PCOLCE2: variants seen among roughly 807,000 people sequenced by gnomAD.
PCOLCE2 encodes the protein procollagen C-endopeptidase enhancer 2.
PCOLCE2 carries 42 observed loss-of-function variants against 47.0 expected under a neutral mutation model. The ratio of observed to expected loss-of-function variants is 0.89; its 90% confidence interval spans 0.70 to 1.16. PCOLCE2 has a LOEUF of 1.16. Ranked by LOEUF, PCOLCE2 falls within the 50% of genes most tolerant of loss-of-function variation. The probability of loss-of-function intolerance (pLI) is 0.00; values close to 1 mark genes in which losing one functional copy is unlikely to be tolerated. For synonymous variants in PCOLCE2, 169 were observed against 191.7 expected, an observed-to-expected ratio of 0.88 and a Z score of 0.98; for missense variants, 500 against 526.1, an observed-to-expected ratio of 0.95 and a Z score of 0.49.
At chr3:142,879,950 G>A (rs375870992) in intron 2 of PCOLCE2, among the ~76,000 whole-genome samples, 264 of 133,082 alleles carry the variant, frequency 2.0e-3, no homozygotes, top group Non-Finnish European at 3.4e-3. Context: ...CAGCCTGGGC[G>A]ACAGAGCGAG....
At chr3:142,885,356 A>T (rs1311172298) in intron 2 of PCOLCE2, among the ~76,000 whole-genome samples, 1 of 152,204 alleles carries the variant, frequency 6.6e-6, no homozygotes, top group African/African-American at 2.4e-5. Flanking sequence ...TCCCATCTCC[A>T]GCGGCCTCTG....
intron 8 of PCOLCE2, among the ~76,000 whole-genome samples, chr3:142,819,866 C>T (rs1255986334): frequency 4.6e-5 from 7 of 152,042 alleles, no homozygotes; most frequent in African/African-American, 9.7e-5. Flanking sequence ...AGGCTGGTCT[C>T]GAACTCAGGC....
At chr3:142,865,452 AGAGT>A (rs139184305) in intron 2 of PCOLCE2, among the ~76,000 whole-genome samples, 3,087 of 152,326 alleles carry the variant, frequency 0.02, 101 homozygotes, top group African/African-American at 0.07. Flanking sequence ...TTTTACGCCA[AGAGT>A]GAGAGGCAAG....
In PCOLCE2 at chr3:142,838,857, C is replaced by T; in HGVS notation, c.623G>A (p.Cys208Tyr). 1 of 1,612,886 alleles carries T rather than the reference C, an allele frequency of 6.2e-7. No homozygotes were observed. The highest frequency in any genetic ancestry group is 1.1e-5 in the South Asian group (1 of 91,060). The change falls in exon 5 of 9, where the codon TGC (cysteine) becomes TAC (tyrosine). Residue 208 changes from cysteine (C) to tyrosine (Y), a missense_variant. Physicochemically the swap from Cys to Tyr is radical, Grantham distance 194. Transcript: ENST00000295992. ...EKFDVERDNYCRYDYVAVFNG... is the reference protein window; with the variant it reads ...EKFDVERDNYYRYDYVAVFNG... ...AAACACAGCCACATAATCATATCGGCAGTAGTTATCTCGCTCCACATCAAA... is the reference window on the plus strand; with the variant it reads ...AAACACAGCCACATAATCATATCGGTAGTAGTTATCTCGCTCCACATCAAA...
chr3:142,855,522 A>ACTTC (rs1454244822), intron 2 of PCOLCE2, among the ~76,000 whole-genome samples: 7 of 152,252 alleles, frequency 4.6e-5, no homozygotes, highest in Admixed American at 3.3e-4. Flanking sequence ...AGGTCACCAG[A>ACTTC]CTTCCACCTT....
chr3:142,882,014 ACATCATCATCATCGTCGT>A lies in PCOLCE2; in HGVS notation c.192+5637_192+5654del. 4.6e-5 allele frequency among the ~76,000 whole-genome samples: 7 copies of A among 152,040 alleles called. 1 individual carries two copies. The Middle Eastern group carries it at 0.02, about 443-fold the overall frequency. On this transcript the variant is annotated intron_variant, in intron 2 of 8. Coordinates refer to ENST00000295992, the MANE Select transcript of PCOLCE2 (RefSeq NM_013363.4). The stretch of plus-strand genomic sequence containing the variant: ...AGGTCTGTGACTCTCTGGCCCTCCC[ACATCATCATCATCGTCGT>A]CATCATCATCATCATCAGACAGGGT...
At chr3:142,857,701 A>G (rs1186558778) in intron 2 of PCOLCE2, among the ~76,000 whole-genome samples, 1 of 152,202 alleles carries the variant, frequency 6.6e-6, no homozygotes, top group Non-Finnish European at 1.5e-5. Context: ...TGGCCTTAGA[A>G]CATCTAGGCC....
intron 2 of PCOLCE2, among the ~76,000 whole-genome samples, chr3:142,857,744 T>C (rs1933092835): frequency 6.6e-6 from 1 of 152,026 alleles, no homozygotes; most frequent in Non-Finnish European, 1.5e-5. Context: ...CCTTGCTGAA[T>C]CCCAACAACC....
At chr3:142,826,845 C>T (rs1311665883) in intron 6 of PCOLCE2, among the ~76,000 whole-genome samples, 2 of 152,168 alleles carry the variant, frequency 1.3e-5, no homozygotes, top group South Asian at 2.1e-4. Context: ...TTCCCTTCCA[C>T]GGCTTTCACC....
At chr3:142,862,808 G>A (rs775945124) in intron 2 of PCOLCE2, among the ~76,000 whole-genome samples, 51 of 152,160 alleles carry the variant, frequency 3.4e-4, no homozygotes, top group Non-Finnish European at 6.6e-4. Flanking sequence ...CTATTCTAAT[G>A]TACACTTGCA....
chr3:142,836,541 A>G (rs557270069), intron 5 of PCOLCE2, among the ~76,000 whole-genome samples: 1 of 152,220 alleles, frequency 6.6e-6, no homozygotes, highest in Non-Finnish European at 1.5e-5. Context: ...CGATGCTTTC[A>G]AAATTTTTTC....
chr3:142,853,706 T>C (rs771477910), intron 2 of PCOLCE2, among the ~76,000 whole-genome samples: 13 of 152,192 alleles, frequency 8.5e-5, no homozygotes, highest in Non-Finnish European at 1.5e-5. Context: ...CAGATGCATA[T>C]CTTTTTGGAA....
rs538964026 is a variant in PCOLCE2, at chr3:142,858,770, C to T, written c.193-10298G>A. On this transcript the variant is annotated intron_variant, in intron 2 of 8. Transcript: ENST00000295992. ...GTGTGTGTGTAAGAGAGAGACAGAG[C>T]GAGAGATAGGGTCTTGCCCTGTCAC... is the stretch of plus-strand genomic sequence containing the variant. Among the ~76,000 whole-genome samples, 8 of 151,894 alleles carry T rather than the reference C, an allele frequency of 5.3e-5. No individual in the cohort carries two copies. The South Asian group carries it at 1.5e-3, about 28-fold the overall frequency.
At chr3:142,865,528 C>T (rs967300438) in intron 2 of PCOLCE2, among the ~76,000 whole-genome samples, 1 of 152,178 alleles carries the variant, frequency 6.6e-6, no homozygotes, top group African/African-American at 2.4e-5. Context: ...TTGACAACAA[C>T]ATCTCTTGAA....
intron 2 of PCOLCE2, among the ~76,000 whole-genome samples, chr3:142,882,014 ACAT>A (rs1933631409): frequency 6.6e-6 from 1 of 151,922 alleles, no homozygotes; most frequent in Non-Finnish European, 1.5e-5. Flanking sequence ...TGGCCCTCCC[ACAT>A]CATCATCATC....
chr3:142,833,502 C>T (rs1937173152), intron 5 of PCOLCE2, among the ~76,000 whole-genome samples: 1 of 150,110 alleles, frequency 6.7e-6, no homozygotes, highest in Non-Finnish European at 1.5e-5. Context: ...TTTTTTTAAA[C>T]CCTCAACATT....
Position 142,850,875 on chromosome 3 carries a change from T to G in PCOLCE2, c.193-2403A>C, listed in dbSNP as rs78161348. Among the ~76,000 whole-genome samples, 1,277 of 152,254 alleles carry G rather than the reference T, an allele frequency of 8.4e-3. 22 individuals are homozygous for G. Among genetic ancestry groups the G allele is most frequent in the African/African-American group, 0.029 (1,210 of 41,530 alleles). ...GGGTGTTTCCTAAGGCATGTTTGCATGCTGATGGGAAGGATTCTGTAGAGA... is the reference window on the plus strand; with the variant it reads ...GGGTGTTTCCTAAGGCATGTTTGCAGGCTGATGGGAAGGATTCTGTAGAGA... On this transcript the variant is annotated intron_variant, in intron 2 of 8. Coordinates refer to ENST00000295992, the MANE Select transcript of PCOLCE2 (RefSeq NM_013363.4).
At chr3:142,859,761 T>C (rs1461525755) in intron 2 of PCOLCE2, among the ~76,000 whole-genome samples, 1 of 152,256 alleles carries the variant, frequency 6.6e-6, no homozygotes. Context: ...GAAACAGGGT[T>C]TCACCATGTT....
At chr3:142,883,563 C>T (rs769761865) in intron 2 of PCOLCE2, among the ~76,000 whole-genome samples, 46 of 151,654 alleles carry the variant, frequency 3.0e-4, no homozygotes, top group Non-Finnish European at 5.6e-4. Flanking sequence ...GGATTACAGG[C>T]GCCCACCACC....
Sources: gnomAD v4.1 joint callset for allele counts (sites outside exome capture counted in the v4.1 genomes callset) on GRCh38, gnomAD v4.1.1 for gene constraint, MANE v1.5 for transcripts, NCBI Gene and HGNC (gene_info 2026-07-23, HGNC 2026-07-21) for gene names.